The following ZFAND6 variants were observed in gnomAD, a reference collection of about 807,000 sequenced individuals.
ZFAND6 encodes AN1-type zinc finger protein 6.
ZFAND6 carries 12 observed loss-of-function variants against 24.5 expected under a neutral mutation model. The ratio of observed to expected loss-of-function variants is 0.49; its 90% CI spans 0.31 to 0.79. The LOEUF (loss-of-function observed/expected upper bound fraction) is 0.79. ZFAND6 is among the 30% of genes least tolerant of loss of function. The pLI, the probability that ZFAND6 is intolerant of heterozygous loss-of-function variation, is 0.04. For missense variants in ZFAND6, 207 were observed against 245.9 expected, an observed-to-expected ratio of 0.84 and a Z score of 1.06; for synonymous variants, 92 against 81.5, an observed-to-expected ratio of 1.13 and a Z score of -0.69.
chr15:80,095,436 T>G (rs1472517339), intron 1 of ZFAND6, among the ~76,000 whole-genome samples: 1 of 152,214 alleles, frequency 6.6e-6, no homozygotes, highest in Non-Finnish European at 1.5e-5. Flanking sequence ...TAAGTTAATA[T>G]TTCTCCTTCT....
intron 1 of ZFAND6, among the ~76,000 whole-genome samples, chr15:80,080,481 A>G (rs1248623124): frequency 6.6e-6 from 1 of 152,240 alleles, no homozygotes; most frequent in Non-Finnish European, 1.5e-5. Context: ...ATAGTAAGAC[A>G]TTAACAATAA....
intron 5 of ZFAND6, among the ~76,000 whole-genome samples, chr15:80,128,561 T>C (rs2040466577): frequency 6.6e-6 from 1 of 152,232 alleles, no homozygotes; most frequent in African/African-American, 2.4e-5. Flanking sequence ...GGATGATTTC[T>C]GGGAATCATA....
intron 2 of ZFAND6, among the ~76,000 whole-genome samples, chr15:80,101,466 GA>G (rs1342411486): frequency 1.3e-5 from 2 of 150,354 alleles, no homozygotes; most frequent in East Asian, 3.9e-4. Context: ...CCATCTCAAA[GA>G]AAAAAAAAGA....
chr15:80,137,996 T>A lies in ZFAND6; in HGVS notation c.*368T>A. The A allele has an allele frequency of 6.3e-6, 1 of 157,972 alleles. No individual in the cohort carries two copies. The allele number at this position is 157,972 out of a possible 1,614,324, so 9.8% of individuals were successfully genotyped here. On this transcript the variant is annotated 3_prime_UTR_variant, in exon 7 of 7. Coordinates refer to ENST00000261749, the MANE Select transcript of ZFAND6 (RefSeq NM_019006.4). ...TGTGTATGTATATATCGCTTTTCTC[T>A]GCAGCACGATTTCTCTTTTGATAAT...
rs555885571 is a variant in ZFAND6 at position 80,073,099 on chromosome 15, C to A, written c.-181+13290C>A. Among the ~76,000 whole-genome samples the A allele has an allele frequency of 7.2e-5, 11 of 151,872 alleles. No individual in the cohort carries two copies. The South Asian group carries it at 1.5e-3, about 20-fold the overall frequency. The stretch of plus-strand genomic sequence containing the variant: ...AATGCCAACTGTTTAATTTTTTTAA[C>A]CCCAGCACAGCACCCCTTTTAATTT... On this transcript the variant is annotated intron_variant, in intron 1 of 6. Transcript: ENST00000261749.
At chr15:80,085,366 GA>G (rs2037929149) in intron 1 of ZFAND6, among the ~76,000 whole-genome samples, 1 of 152,188 alleles carries the variant, frequency 6.6e-6, no homozygotes, top group South Asian at 2.1e-4. Context: ...TGGCACATAG[GA>G]AATGCTTAAT....
chr15:80,115,603 C>T (rs2039837288), intron 2 of ZFAND6, among the ~76,000 whole-genome samples: 1 of 152,106 alleles, frequency 6.6e-6, no homozygotes, highest in Non-Finnish European at 1.5e-5. Context: ...CTAAATTACT[C>T]TTTATGGTTT....
intron 1 of ZFAND6, among the ~76,000 whole-genome samples, chr15:80,090,843 A>G (rs2038314014): frequency 6.6e-6 from 1 of 152,208 alleles, no homozygotes; most frequent in Non-Finnish European, 1.5e-5. Context: ...CCAGTTTTCA[A>G]ATATTTTTTA....
rs887171846 is a variant in ZFAND6, at chr15:80,137,712, T to C, written c.*84T>C. ...TTTTTTTTCCTAGTCATTGGGAATG[T>C]AGAGCAGTGTATCTTGCATGTCATC... On this transcript the variant is annotated 3_prime_UTR_variant, in exon 7 of 7. Transcript: ENST00000261749. 6.6e-5 allele frequency: 91 copies of C among 1,371,798 alleles called. No homozygotes were observed. Among genetic ancestry groups the C allele is most frequent in the Middle Eastern group, 2.7e-4 (1 of 3,748 alleles). The allele number at this position is 1,371,798 out of a possible 1,614,324, so 85.0% of individuals were successfully genotyped here.
At chr15:80,124,568 T>A (rs1264378178) in intron 5 of ZFAND6, among the ~76,000 whole-genome samples, 3 of 152,262 alleles carry the variant, frequency 2.0e-5, no homozygotes, top group African/African-American at 7.2e-5. Flanking sequence ...GAAGTGTTTT[T>A]ATACCATTTA....
chr15:80,094,045 G>A (rs1481962798), intron 1 of ZFAND6, among the ~76,000 whole-genome samples: 1 of 152,168 alleles, frequency 6.6e-6, no homozygotes, highest in Admixed American at 6.5e-5. Context: ...TTAAACTGCT[G>A]TTGGATTGGA....
chr15:80,111,030 G>A (rs924130481), intron 2 of ZFAND6, among the ~76,000 whole-genome samples: 5 of 152,156 alleles, frequency 3.3e-5, no homozygotes, highest in Non-Finnish European at 7.3e-5. Flanking sequence ...AAACATAGTA[G>A]GCAGATTGAA....
chr15:80,082,496 G>A (rs752178618), intron 1 of ZFAND6, among the ~76,000 whole-genome samples: 1 of 152,224 alleles, frequency 6.6e-6, no homozygotes, highest in Non-Finnish European at 1.5e-5. Flanking sequence ...TTTACTTAGA[G>A]AGGGAAGGTT....
intron 2 of ZFAND6, among the ~76,000 whole-genome samples, chr15:80,117,438 G>A (rs1216977847): frequency 6.6e-6 from 1 of 152,080 alleles, no homozygotes; most frequent in African/African-American, 2.4e-5. Context: ...TAGCCAGGAT[G>A]GCCTCTATCT....
At chr15:80,113,953 T>C (rs1156806710) in intron 2 of ZFAND6, among the ~76,000 whole-genome samples, 4 of 151,772 alleles carry the variant, frequency 2.6e-5, no homozygotes, top group Non-Finnish European at 4.4e-5. Flanking sequence ...CCAGAAGAAA[T>C]AGAATTTAAG....
intron 1 of ZFAND6, among the ~76,000 whole-genome samples, chr15:80,089,381 C>T (rs530380416): frequency 1.2e-4 from 18 of 150,282 alleles, no homozygotes; most frequent in African/African-American, 3.9e-4. Flanking sequence ...GTCTGAGCCT[C>T]CCGAGTAGCT....
At chr15:80,093,544 T>C (rs1229276727) in intron 1 of ZFAND6, among the ~76,000 whole-genome samples, 2 of 151,852 alleles carry the variant, frequency 1.3e-5, no homozygotes, top group Admixed American at 6.6e-5. Context: ...CTGACCAACA[T>C]GGTGAAACTC....
intron 1 of ZFAND6, among the ~76,000 whole-genome samples, chr15:80,093,868 G>C (rs796987574): frequency 6.6e-6 from 1 of 152,142 alleles, no homozygotes; most frequent in Non-Finnish European, 1.5e-5. Context: ...TGTAGTTTCG[G>C]GAAGGGTGCA....
chr15:80,080,443 A>G (rs929962090), intron 1 of ZFAND6, among the ~76,000 whole-genome samples: 2 of 152,226 alleles, frequency 1.3e-5, no homozygotes, highest in African/African-American at 2.4e-5. Flanking sequence ...ATACATAAAT[A>G]CCTATGACAT....
Sources: gnomAD v4.1 joint callset for allele counts (sites outside exome capture counted in the v4.1 genomes callset) on GRCh38, gnomAD v4.1.1 for gene constraint, MANE v1.5 for transcripts, NCBI Gene and HGNC (gene_info 2026-07-23, HGNC 2026-07-21) for gene names.